Variants in WASF3 observed in about 807,000 individuals in gnomAD.
The protein encoded by WASF3 is actin-binding protein WASF3.
WASF3 carries 11 observed loss-of-function variants against 46.6 expected under a neutral mutation model. That is an observed-to-expected ratio of 0.24 (90% CI 0.15 to 0.39). The LOEUF is 0.39. WASF3 is among the 10% of genes least tolerant of loss of function. The pLI, the probability that WASF3 is intolerant of heterozygous loss-of-function variation, is 1.00. For synonymous variants in WASF3, 242 were observed against 259.7 expected (o/e 0.93, Z 0.65); for missense variants, 576 against 669.8 (o/e 0.86, Z 1.55).
intron 5 of WASF3, 65 bp downstream of exon 5, chr13:26,667,735 C>G (rs1882815163): frequency 1.4e-6 from 2 of 1,479,440 alleles, no homozygotes; most frequent in Admixed American, 4.1e-5. Context: ...GAGCTGGGAG[C>G]AAGCTGATGC....
chr13:26,560,062 G>A (rs756263785), intron 1 of WASF3, among the ~76,000 whole-genome samples: 7 of 151,696 alleles, frequency 4.6e-5, no homozygotes, highest in African/African-American at 7.3e-5. Flanking sequence ...AGGTTGATCC[G>A]CCCACCTCGG....
intron 1 of WASF3, among the ~76,000 whole-genome samples, chr13:26,609,229 G>C (rs896451765): frequency 6.6e-6 from 1 of 152,122 alleles, no homozygotes; most frequent in African/African-American, 2.4e-5. Context: ...AGATTAAAGG[G>C]CGTATTACTA....
At chr13:26,579,193 G>T (rs1879900348) in intron 1 of WASF3, among the ~76,000 whole-genome samples, 2 of 150,692 alleles carry the variant, frequency 1.3e-5, no homozygotes, top group Non-Finnish European at 3.0e-5. Flanking sequence ...TTAAAGATGG[G>T]GTCTCACTAT....
chr13:26,558,085 C>G (rs1032177108), intron 1 of WASF3, among the ~76,000 whole-genome samples: 1 of 151,800 alleles, frequency 6.6e-6, no homozygotes, highest in Non-Finnish European at 1.5e-5. Flanking sequence ...CGGCCCTTCT[C>G]TCCCGCGCCT....
intron 1 of WASF3, among the ~76,000 whole-genome samples, chr13:26,568,337 G>C (rs1002716498): frequency 4.6e-5 from 7 of 152,128 alleles, no homozygotes; most frequent in Non-Finnish European, 7.4e-5. Context: ...TGAATCAGTG[G>C]TTCCTGCCTT....
At chr13:26,614,571 GCT>G in intron 2 of WASF3, among the ~76,000 whole-genome samples, 1 of 152,082 alleles carries the variant, frequency 6.6e-6, no homozygotes, top group East Asian at 1.9e-4. Flanking sequence ...TAGCTTTTGG[GCT>G]TTTCCTGTAT....
chr13:26,658,837 T>TA (rs1305443427), intron 3 of WASF3, among the ~76,000 whole-genome samples: 2 of 152,196 alleles, frequency 1.3e-5, no homozygotes, highest in African/African-American at 2.4e-5. Flanking sequence ...CAAATGCTCT[T>TA]ACAGAGCCCA....
intron 1 of WASF3, among the ~76,000 whole-genome samples, chr13:26,597,773 T>C (rs1880518477): frequency 1.3e-5 from 2 of 152,200 alleles, no homozygotes; most frequent in East Asian, 3.9e-4. Context: ...GCTTCATCCA[T>C]GTCCCTACAA....
intron 1 of WASF3, among the ~76,000 whole-genome samples, chr13:26,576,048 G>A (rs188132072): frequency 1.3e-5 from 2 of 152,140 alleles, no homozygotes; most frequent in Admixed American, 1.3e-4. Flanking sequence ...TCTTCTTCCA[G>A]AGTTTGATGT....
chr13:26,565,778 A>T (rs1879446298), intron 1 of WASF3, among the ~76,000 whole-genome samples: 1 of 152,232 alleles, frequency 6.6e-6, no homozygotes, highest in African/African-American at 2.4e-5. Context: ...TGGCATTGCA[A>T]TTTAGAATGG....
chr13:26,658,367 G>A (rs906657512), intron 3 of WASF3, among the ~76,000 whole-genome samples: 3 of 152,138 alleles, frequency 2.0e-5, no homozygotes, highest in Non-Finnish European at 2.9e-5. Context: ...CATTTGGAAC[G>A]TGGTGCTCAT....
intron 3 of WASF3, among the ~76,000 whole-genome samples, chr13:26,646,905 T>A (rs1207809354): frequency 6.6e-6 from 1 of 152,172 alleles, no homozygotes; most frequent in Non-Finnish European, 1.5e-5. Flanking sequence ...CAGTTCAGGG[T>A]CATGAGGATT....
chr13:26,662,624 C>T (rs1020493947), intron 3 of WASF3, among the ~76,000 whole-genome samples: 2 of 152,152 alleles, frequency 1.3e-5, no homozygotes, highest in African/African-American at 4.8e-5. Flanking sequence ...AAAATGGGAA[C>T]AGTAGACACT....
At chr13:26,562,389 G>A (rs1288280622) in intron 1 of WASF3, among the ~76,000 whole-genome samples, 1 of 152,174 alleles carries the variant, frequency 6.6e-6, no homozygotes, top group African/African-American at 2.4e-5. Context: ...GACATGACAG[G>A]GATGGGAGGG....
chr13:26,551,450 T>G, the WASF3 span, among the ~76,000 whole-genome samples: 1 of 152,174 alleles, frequency 6.6e-6, no homozygotes, highest in Admixed American at 6.5e-5. Flanking sequence ...AATGACATCA[T>G]GAAAACTCAT....
At chr13:26,615,723 T>G (rs921567212) in intron 2 of WASF3, among the ~76,000 whole-genome samples, 1 of 152,222 alleles carries the variant, frequency 6.6e-6, no homozygotes, top group Non-Finnish European at 1.5e-5. Context: ...CATGATACCA[T>G]CAATGTAGTT....
chr13:26,560,529 C>T (rs1008143765), intron 1 of WASF3, among the ~76,000 whole-genome samples: 3 of 152,098 alleles, frequency 2.0e-5, no homozygotes, highest in Admixed American at 6.5e-5. Flanking sequence ...TCATGAATGC[C>T]TACTAGGTAC....
chr13:26,624,276 A>G (rs530346056), intron 2 of WASF3, among the ~76,000 whole-genome samples: 63 of 152,356 alleles, frequency 4.1e-4, no homozygotes, highest in South Asian at 1.2e-3. Flanking sequence ...TTAAGAGTTA[A>G]ATGGAAACTG....
chr13:26,554,087 C>CTTT (rs1566032440), upstream of WASF3, among the ~76,000 whole-genome samples: 1,391 of 101,484 alleles, frequency 0.014, 16 homozygotes, highest in Middle Eastern at 0.018. Context: ...TTCCTTCCTT[C>CTTT]CTTCCTTCCT....
Sources: allele counts gnomAD v4.1 joint callset (sites outside exome capture counted in the v4.1 genomes callset), GRCh38; gene constraint gnomAD v4.1.1; transcripts MANE v1.5; gene names NCBI Gene and HGNC (gene_info 2026-07-23, HGNC 2026-07-21).